Variants in MAGI1 observed in about 807,000 individuals in gnomAD.
MAGI1 encodes the protein membrane associated guanylate kinase, WW and PDZ domain containing 1.
A neutral mutation model predicts 139.9 loss-of-function variants in MAGI1; 58 were observed. The observed-to-expected ratio is 0.41, with a 90% CI of 0.34 to 0.52. The LOEUF (loss-of-function observed/expected upper bound fraction) is 0.52. Ranked by LOEUF, MAGI1 falls within the 20% of genes least tolerant of loss-of-function variation. The pLI is 0.12. For missense variants in MAGI1, 1,874 were observed against 1,901.6 expected, an observed-to-expected ratio of 0.99 and a Z score of 0.27; for synonymous variants, 812 against 737.9, an observed-to-expected ratio of 1.10 and a Z score of -1.63.
Position 65,478,622 on chromosome 3 carries a change from C to G in MAGI1, c.727G>C (p.Asp243His). ...AAGCTGCTGTTCATTTCAGGAACGTCATCCTCCTCCTCATTCTCCGCGTGG... is the reference window on the plus strand; with the variant it reads ...AAGCTGCTGTTCATTTCAGGAACGTGATCCTCCTCCTCATTCTCCGCGTGG... Reference protein sequence around the residue: ...IVHAENEEEDDVPEMNSSFTA... With the variant: ...IVHAENEEEDHVPEMNSSFTA... The change falls in exon 4 of 23, where the codon GAC (aspartate) becomes CAC (histidine). Residue 243 changes from aspartate (D) to histidine (H), a missense_variant. By Grantham distance (81) the Asp-to-His change is moderately conservative (BLOSUM62 -1). This residue lies in a region of MAGI1 where 648 missense variants were observed against 598.1 expected (regional missense o/e 1.08). Transcript: ENST00000402939. 6.2e-7 allele frequency: 1 copy of G among 1,614,088 alleles called. No homozygotes were observed. The highest frequency in any genetic ancestry group is 8.5e-7 in the Non-Finnish European group (1 of 1,179,990).
intron 1 of MAGI1, among the ~76,000 whole-genome samples, chr3:65,928,039 T>C (rs1351281204): frequency 6.6e-6 from 1 of 152,224 alleles, no homozygotes; most frequent in East Asian, 1.9e-4. Context: ...GTTCTTTTTT[T>C]TCTTAGAATT....
intron 1 of MAGI1, among the ~76,000 whole-genome samples, chr3:65,995,721 G>C (rs78633061): frequency 0.12 from 17,658 of 152,080 alleles, 1,488 homozygotes; most frequent in African/African-American, 0.24. Flanking sequence ...CTGCTCCACC[G>C]GGCCCTTCTA....
At chr3:65,420,852 A>C (rs1946591213) in intron 12 of MAGI1, among the ~76,000 whole-genome samples, 2 of 152,228 alleles carry the variant, frequency 1.3e-5, no homozygotes, top group African/African-American at 4.8e-5. Context: ...TTCAAGGAGA[A>C]TGAGACATTG....
intron 1 of MAGI1, among the ~76,000 whole-genome samples, chr3:65,968,016 G>A (rs538569190): frequency 1.5e-4 from 23 of 152,296 alleles, no homozygotes; most frequent in African/African-American, 3.8e-4. Context: ...GGTGCTGTAC[G>A]GAATGTAATG....
intron 1 of MAGI1, among the ~76,000 whole-genome samples, chr3:65,829,191 T>C (rs2042392690): frequency 6.6e-6 from 1 of 152,196 alleles, no homozygotes; most frequent in East Asian, 1.9e-4. Flanking sequence ...TAATTCACTA[T>C]AGCAGCAACA....
At chr3:66,032,604 T>C (rs545161561) in intron 1 of MAGI1, among the ~76,000 whole-genome samples, 2 of 151,606 alleles carry the variant, frequency 1.3e-5, no homozygotes, top group South Asian at 2.1e-4. Context: ...TCTATTCTCA[T>C]GGGAGGGGAA....
intron 2 of MAGI1, among the ~76,000 whole-genome samples, chr3:65,543,177 G>T (rs1315090349): frequency 6.6e-6 from 1 of 152,192 alleles, no homozygotes; most frequent in African/African-American, 2.4e-5. Flanking sequence ...GGACATTAGA[G>T]AAATGCAAAG....
chr3:65,824,921 T>C (rs147804932), intron 1 of MAGI1, among the ~76,000 whole-genome samples: 15 of 152,330 alleles, frequency 9.8e-5, no homozygotes, highest in Non-Finnish European at 1.6e-4. Flanking sequence ...TAAGAGTACA[T>C]GGATACTAAA....
At chr3:65,887,339 ACTACAAAAATAAAGCACATATTAGAACT>A (rs2060573928) in intron 1 of MAGI1, among the ~76,000 whole-genome samples, 1 of 151,554 alleles carries the variant, frequency 6.6e-6, no homozygotes, top group South Asian at 2.1e-4. Flanking sequence ...ATACACAAAA[ACTACAAAAATAAAGCACATATTAGAACT>A]CTGTACAGCA....
At chr3:65,570,312 G>A (rs1327899983) in intron 2 of MAGI1, among the ~76,000 whole-genome samples, 1 of 151,626 alleles carries the variant, frequency 6.6e-6, no homozygotes, top group African/African-American at 2.4e-5. Flanking sequence ...ATGTTGGCCA[G>A]GCTGGTCTCA....
intron 2 of MAGI1, among the ~76,000 whole-genome samples, chr3:65,559,411 A>G (rs1267727554): frequency 1.3e-5 from 2 of 152,270 alleles, no homozygotes; most frequent in African/African-American, 4.8e-5. Flanking sequence ...CACCTGATTG[A>G]ATGAGTCCAT....
Position 65,769,831 on chromosome 3 carries a change from G to A in MAGI1, c.314-147743C>T, listed in dbSNP as rs377641029. 6.6e-4 allele frequency among the ~76,000 whole-genome samples: 100 copies of A among 152,222 alleles called. No individual in the cohort carries two copies. In the Middle Eastern group the frequency reaches 0.017, roughly 26 times the overall value. ...AAGGCATCTTCAAGTTCAGGTTTTCGGATAGAAGGTGGCTGGAAAGAGCTT... is the reference window on the plus strand; with the variant it reads ...AAGGCATCTTCAAGTTCAGGTTTTCAGATAGAAGGTGGCTGGAAAGAGCTT... On this transcript the variant is annotated intron_variant, in intron 1 of 22. Transcript: ENST00000402939.
At chr3:66,037,778 T>G (rs991956591) in intron 1 of MAGI1, among the ~76,000 whole-genome samples, 3 of 152,100 alleles carry the variant, frequency 2.0e-5, no homozygotes, top group Non-Finnish European at 4.4e-5. Flanking sequence ...GTCCCCCCGC[T>G]ACCTTGCGCA....
chr3:65,509,355 G>T (rs138069146), intron 2 of MAGI1, among the ~76,000 whole-genome samples: 1 of 152,170 alleles, frequency 6.6e-6, no homozygotes, highest in East Asian at 1.9e-4. Context: ...CGTGAGCGAC[G>T]CAGAAGACGG....
At chr3:65,949,906 G>A (rs538027779) in intron 1 of MAGI1, among the ~76,000 whole-genome samples, 140 of 151,706 alleles carry the variant, frequency 9.2e-4, no homozygotes, top group African/African-American at 2.8e-3. Context: ...TAAATTAGCC[G>A]GGCAGAGTGG....
At chr3:65,755,568 T>C (rs1359066338) in intron 1 of MAGI1, among the ~76,000 whole-genome samples, 3 of 152,154 alleles carry the variant, frequency 2.0e-5, no homozygotes, top group Non-Finnish European at 4.4e-5. Context: ...CAGCATCAAG[T>C]GGTAGGAATT....
At chr3:65,458,565 T>C (rs965310442) in intron 5 of MAGI1, among the ~76,000 whole-genome samples, 3 of 152,178 alleles carry the variant, frequency 2.0e-5, no homozygotes, top group African/African-American at 4.8e-5. Context: ...TGATCAGTGA[T>C]GTTGAGCACC....
At chr3:65,748,546 T>C (rs561265006) in intron 1 of MAGI1, among the ~76,000 whole-genome samples, 27 of 152,342 alleles carry the variant, frequency 1.8e-4, no homozygotes, top group Non-Finnish European at 3.1e-4. Context: ...CCGCTTTGTA[T>C]TGCAACACAG....
At chr3:65,493,035 G>A (rs998822469) in intron 3 of MAGI1, among the ~76,000 whole-genome samples, 11 of 140,906 alleles carry the variant, frequency 7.8e-5, no homozygotes, top group Non-Finnish European at 9.0e-5. Flanking sequence ...CCAAGATCGC[G>A]CCACTGCACT....
Sources: gnomAD v4.1 joint callset for allele counts (sites outside exome capture counted in the v4.1 genomes callset) on GRCh38, gnomAD v4.1.1 for gene constraint, gnomAD v4.1.1 regional missense constraint, MANE v1.5 for transcripts, NCBI Gene and HGNC (gene_info 2026-07-23, HGNC 2026-07-21) for gene names.